LMX1A: variants seen among roughly 807,000 people sequenced by gnomAD.
The protein encoded by LMX1A is LIM homeobox transcription factor 1 alpha, also known as LIM homeobox transcription factor 1-alpha.
LMX1A carries 15 observed loss-of-function variants against 49.1 expected under a neutral mutation model. The ratio of observed to expected loss-of-function variants is 0.31; its 90% CI spans 0.20 to 0.47. The LOEUF is 0.47. Among genes scored for constraint, LMX1A ranks in the 20% least tolerant of loss-of-function variants. LMX1A has a pLI of 1.00. For missense variants in LMX1A, 372 were observed against 475.8 expected (o/e 0.78, Z 2.03); for synonymous variants, 167 against 185.7 (o/e 0.90, Z 0.82).
Position 165,327,525 on chromosome 1 carries a change from T to G in LMX1A, c.263+25551A>C, listed in dbSNP as rs557115332. Among the ~76,000 whole-genome samples, 14 of 152,338 alleles carry G rather than the reference T, an allele frequency of 9.2e-5. 2 individuals are homozygous for G. The highest frequency in any genetic ancestry group is 3.1e-4 in the African/African-American group (13 of 41,570). On this transcript the variant is annotated intron_variant, in intron 3 of 8. Coordinates refer to ENST00000342310, the MANE Select transcript of LMX1A (RefSeq NM_177398.4). ...CAAATCCTGGAGCTGAGTCTTGAAT[T>G]CCAGGTCCTATCCCAGAACCCATCC...
At chr1:165,215,877 C>T (rs1015590904) in intron 4 of LMX1A, 6 of 152,148 alleles carry the variant, frequency 3.9e-5, no homozygotes, top group African/African-American at 1.4e-4. Flanking sequence ...TAACTACATA[C>T]CAACAACAAT....
rs964283689 is a variant in LMX1A, at chr1:165,203,819, A to G, written c.*61T>C. The G allele has an allele frequency of 1.3e-6, 2 of 1,551,022 alleles. No homozygotes were observed. The highest frequency in any genetic ancestry group is 2.7e-5 in the African/African-American group (2 of 73,530). On this transcript the variant is annotated 3_prime_UTR_variant, in exon 9 of 9. Transcript: ENST00000342310. ...TGGCCTCCCTGTCCTAAAGCCAGTGACCCCTCAAAGAATATGGTTGTTCCA... is the reference window on the plus strand; with the variant it reads ...TGGCCTCCCTGTCCTAAAGCCAGTGGCCCCTCAAAGAATATGGTTGTTCCA...
At chr1:165,242,199 G>A (rs1652679419) in intron 4 of LMX1A, among the ~76,000 whole-genome samples, 1 of 152,220 alleles carries the variant, frequency 6.6e-6, no homozygotes, top group Non-Finnish European at 1.5e-5. Flanking sequence ...CACAAGGAGT[G>A]AAGCAGCATA....
intron 4 of LMX1A, among the ~76,000 whole-genome samples, chr1:165,247,595 T>G (rs1228200540): frequency 6.6e-6 from 1 of 152,154 alleles, no homozygotes; most frequent in African/African-American, 2.4e-5. Flanking sequence ...GATGCCAGCT[T>G]TCTTAAGGCT....
chr1:165,215,658 A>T (rs1297718469), intron 4 of LMX1A, among the ~76,000 whole-genome samples: 3 of 152,176 alleles, frequency 2.0e-5, no homozygotes, highest in African/African-American at 4.8e-5. Flanking sequence ...ATCTGAAAGG[A>T]TAATGGCTTC....
In LMX1A at chr1:165,277,233, G is replaced by A. The variant is rs189612110; in HGVS notation, c.264-27593C>T. Among the ~76,000 whole-genome samples, 7 of 152,344 alleles carry A rather than the reference G, an allele frequency of 4.6e-5. No individual in the cohort carries two copies. In the East Asian group the frequency reaches 1.2e-3, roughly 25 times the overall value. ...AACTGCAAATGCAGGGCGAGCCAGA[G>A]TAGGAAGACACTGGTCATAGAAGGT... On this transcript the variant is annotated intron_variant, in intron 3 of 8. Coordinates refer to ENST00000342310, the MANE Select transcript of LMX1A (RefSeq NM_177398.4).
chr1:165,247,153 C>T (rs968820548), intron 4 of LMX1A, among the ~76,000 whole-genome samples: 8 of 135,660 alleles, frequency 5.9e-5, no homozygotes, highest in Non-Finnish European at 1.1e-4. Context: ...ATCTGTAAAC[C>T]GTTAACATAG....
At chr1:165,280,197 C>A (rs1259357097) in intron 3 of LMX1A, among the ~76,000 whole-genome samples, 1 of 152,220 alleles carries the variant, frequency 6.6e-6, no homozygotes, top group Non-Finnish European at 1.5e-5. Flanking sequence ...TGCTTTGCAG[C>A]CAGGGTCCCC....
intron 3 of LMX1A, among the ~76,000 whole-genome samples, chr1:165,268,523 C>T (rs1214059238): frequency 6.6e-6 from 1 of 152,152 alleles, no homozygotes; most frequent in African/African-American, 2.4e-5. Context: ...TAAATATTCC[C>T]ACATCTAATG....
intron 3 of LMX1A, among the ~76,000 whole-genome samples, chr1:165,303,672 C>T (rs1036828076): frequency 7.2e-5 from 11 of 152,236 alleles, no homozygotes; most frequent in South Asian, 2.1e-4. Flanking sequence ...GTCCCAGGGA[C>T]GCAAAGCATG....
chr1:165,205,996 T>G lies in LMX1A; in HGVS notation c.856A>C (p.Ile286Leu). The G allele has an allele frequency of 6.3e-7, 1 of 1,597,858 alleles. No individual in the cohort carries two copies. The highest frequency in any genetic ancestry group is 1.7e-5 in the Admixed American group (1 of 57,426). ...GGCAGAGCCGTGTAGGGGTTCATGA[T>G]TCCTTCCATCCCAGCACTCCCACCA... ...NGGGSAGMEG[I>L]MNPYTALPTP... Residue 286 changes from isoleucine (I) to leucine (L), a missense_variant, in exon 8 of 9, where the codon ATC becomes CTC. This residue lies in a region of LMX1A where 127 missense variants were observed against 138.0 expected (regional missense o/e 0.92). Transcript: ENST00000342310.
chr1:165,260,336 G>T (rs921515204), intron 3 of LMX1A, among the ~76,000 whole-genome samples: 4 of 151,760 alleles, frequency 2.6e-5, no homozygotes, highest in Non-Finnish European at 5.9e-5. Context: ...ATTTCCTGGT[G>T]TGTGTGTGTG....
At chr1:165,352,904 C>T (rs1656474443) in intron 3 of LMX1A, among the ~76,000 whole-genome samples, 172 bp downstream of exon 3, 1 of 152,268 alleles carries the variant, frequency 6.6e-6, no homozygotes, top group Admixed American at 6.5e-5. Context: ...CGGATCTCTG[C>T]CCTACCACCT....
chr1:165,241,141 C>G (rs77817282), intron 4 of LMX1A, among the ~76,000 whole-genome samples: 5,501 of 152,260 alleles, frequency 0.036, 165 homozygotes, highest in Non-Finnish European at 0.055. Context: ...CTGAGACACA[C>G]AGGCCCCATG....
intron 3 of LMX1A, among the ~76,000 whole-genome samples, chr1:165,275,797 C>T (rs907382041): frequency 2.6e-4 from 40 of 151,590 alleles, no homozygotes; most frequent in African/African-American, 9.2e-4. Context: ...GAGGACTGTG[C>T]TCTCATGCCT....
intron 3 of LMX1A, among the ~76,000 whole-genome samples, chr1:165,335,732 A>G (rs1285130784): frequency 2.6e-5 from 4 of 152,354 alleles, no homozygotes; most frequent in South Asian, 2.1e-4. Flanking sequence ...GTCAGTTTGT[A>G]TAAATCAACA....
At chr1:165,289,034 C>T (rs1431620310) in intron 3 of LMX1A, among the ~76,000 whole-genome samples, 1 of 152,214 alleles carries the variant, frequency 6.6e-6, no homozygotes, top group African/African-American at 2.4e-5. Flanking sequence ...CTGGCCCCTG[C>T]TGGGGGTGTC....
At chr1:165,279,450 G>A (rs565709024) in intron 3 of LMX1A, among the ~76,000 whole-genome samples, 7 of 143,806 alleles carry the variant, frequency 4.9e-5, no homozygotes, top group Admixed American at 4.3e-4. Context: ...CCTACCACAA[G>A]GGAACTTGAG....
At chr1:165,275,720 G>A (rs1038077343) in intron 3 of LMX1A, among the ~76,000 whole-genome samples, 2 of 152,166 alleles carry the variant, frequency 1.3e-5, no homozygotes, top group Non-Finnish European at 2.9e-5. Context: ...TGGAGGGGAC[G>A]AGGCAGATGC....
Sources: gnomAD v4.1 joint callset for allele counts (sites outside exome capture counted in the v4.1 genomes callset) on GRCh38, gnomAD v4.1.1 for gene constraint, gnomAD v4.1.1 regional missense constraint, MANE v1.5 for transcripts, NCBI Gene and HGNC (gene_info 2026-07-23, HGNC 2026-07-21) for gene names.